The following TNRC6B variants were observed in gnomAD, a reference collection of about 807,000 sequenced individuals.
TNRC6B encodes trinucleotide repeat-containing gene 6B protein.
A neutral mutation model predicts 203.6 loss-of-function variants in TNRC6B; 52 were observed. That is an observed-to-expected ratio of 0.26 (90% CI 0.20 to 0.32). The LOEUF is 0.32. Ranked by LOEUF, TNRC6B falls within the 10% of genes least tolerant of loss-of-function variation. TNRC6B has a pLI of 1.00. For synonymous variants in TNRC6B, 838 were observed against 845.7 expected (o/e 0.99, Z 0.16); for missense variants, 1,923 against 2,286.2 (o/e 0.84, Z 3.24).
In TNRC6B at chr22:40,322,847, C is replaced by T. The variant is rs1447680003; in HGVS notation, c.5115-7C>T. On this transcript the variant is annotated splice_region_variant and splice_polypyrimidine_tract_variant and intron_variant, in intron 22 of 22. Transcript: ENST00000454349. ...ATCCATAGCTCTCTTTCCCTCCCTT[C>T]TTCCAGGTGTGTGTTGGGAAACACT... is the stretch of plus-strand genomic sequence containing the variant. The T allele has an allele frequency of 1.9e-6, 3 of 1,613,602 alleles. No homozygotes were observed. Among genetic ancestry groups the T allele is most frequent in the African/African-American group, 1.3e-5 (1 of 74,940 alleles).
chr22:40,077,151 C>G (rs1335776480), intron 1 of TNRC6B, among the ~76,000 whole-genome samples: 1 of 151,912 alleles, frequency 6.6e-6, no homozygotes, highest in Non-Finnish European at 1.5e-5. Flanking sequence ...TATACAGTAT[C>G]GTGCCTTGGA....
chr22:40,138,804 ACT>A (rs2146336207), intron 3 of TNRC6B, among the ~76,000 whole-genome samples: 1 of 152,150 alleles, frequency 6.6e-6, no homozygotes, highest in Non-Finnish European at 1.5e-5. Context: ...ATAAGAATTC[ACT>A]CTCTCAAAGT....
chr22:40,105,320 A>T (rs1354197445), intron 1 of TNRC6B, among the ~76,000 whole-genome samples: 11 of 152,236 alleles, frequency 7.2e-5, no homozygotes, highest in Admixed American at 5.9e-4. Context: ...AGAAAAGTGC[A>T]TAAAGTACAA....
chr22:40,089,737 C>T (rs1417088635), intron 1 of TNRC6B, among the ~76,000 whole-genome samples: 1 of 152,186 alleles, frequency 6.6e-6, no homozygotes, highest in Non-Finnish European at 1.5e-5. Context: ...AGGGTCCGCT[C>T]TTGGTGTTGC....
At chr22:40,173,474 CAG>C (rs1207374641), upstream of TNRC6B, among the ~76,000 whole-genome samples, 2 of 145,540 alleles carry the variant, frequency 1.4e-5, no homozygotes, top group African/African-American at 5.1e-5. Context: ...AACAACAAAA[CAG>C]ATATATATAT....
intron 16 of TNRC6B, among the ~76,000 whole-genome samples, chr22:40,310,320 A>G (rs1192996593): frequency 3.3e-5 from 5 of 152,206 alleles, no homozygotes; most frequent in Admixed American, 2.0e-4. Context: ...TTTCCCTCCA[A>G]TGGACTCTCT....
At chr22:40,259,983 T>G (rs1418947849) in intron 3 of TNRC6B, among the ~76,000 whole-genome samples, 1 of 152,142 alleles carries the variant, frequency 6.6e-6, no homozygotes. Flanking sequence ...TCTGGCAGCA[T>G]GCAGCGAGGG....
intron 1 of TNRC6B, among the ~76,000 whole-genome samples, chr22:40,211,240 C>T (rs1257217218): frequency 6.6e-6 from 1 of 152,058 alleles, no homozygotes; most frequent in Non-Finnish European, 1.5e-5. Context: ...GCCGCCACGC[C>T]AGCTAATTTT....
intron 4 of TNRC6B, among the ~76,000 whole-genome samples, chr22:40,170,793 GTATATATACATATATGTACATATA>G (rs1569006428): frequency 1.7e-4 from 10 of 58,642 alleles, no homozygotes; most frequent in African/African-American, 1.0e-3. Flanking sequence ...ATATATGTGT[GTATATATACATATATGTACATATA>G]TGTGTGTGTA....
Position 40,262,193 on chromosome 22 carries a change from G to A in TNRC6B, c.457+20G>A, listed in dbSNP as rs766233347. The A allele has an allele frequency of 2.0e-5, 27 of 1,363,704 alleles. No individual in the cohort carries two copies. Among genetic ancestry groups the A allele is most frequent in the Middle Eastern group, 2.0e-4 (1 of 5,034 alleles). The allele number at this position is 1,363,704 out of a possible 1,614,324, so 84.5% of individuals were successfully genotyped here. A position where few individuals can be genotyped will look rare whatever the true frequency, so the allele number is the denominator to read the frequency against. ...CGCCAGGTAAGGCACCCTGTGAATC[G>A]AATGCATGGCAGCTTGACAGAGAGA... On this transcript the variant is annotated intron_variant, in intron 4 of 22. Transcript: ENST00000454349.
At position 40,264,687 on chromosome 22, in the gene TNRC6B, G is replaced by T; in HGVS notation, c.458-1G>T. 6.3e-7 allele frequency: 1 copy of T among 1,579,004 alleles called. No homozygotes were observed. The highest frequency in any genetic ancestry group is 1.2e-5 in the South Asian group (1 of 85,194). ...GATTAATAAGATGATCTGTTCCCCA[G>T]ACTCAACCCTTGGAGGTGCTGCTGC... On this transcript the variant is annotated splice_acceptor_variant, in intron 4 of 22. Transcript: ENST00000454349. LOFTEE classifies it high-confidence loss of function.
At chr22:40,090,397 CA>C (rs1569256824) in intron 1 of TNRC6B, among the ~76,000 whole-genome samples, 1 of 142,266 alleles carries the variant, frequency 7.0e-6, no homozygotes, top group Admixed American at 6.8e-5. Flanking sequence ...AGTGGCATCT[CA>C]TTGTTTTTTT....
At chr22:40,052,758 T>C (rs897353045) in intron 1 of TNRC6B, among the ~76,000 whole-genome samples, 1 of 152,204 alleles carries the variant, frequency 6.6e-6, no homozygotes. Context: ...CTGTGTATTG[T>C]TGACTTCCCC....
intron 2 of TNRC6B, among the ~76,000 whole-genome samples, chr22:40,120,605 A>G (rs1022948565): frequency 2.0e-5 from 3 of 152,194 alleles, no homozygotes; most frequent in African/African-American, 7.2e-5. Flanking sequence ...CAAGGCTGAT[A>G]TGGAAAACTG....
At chr22:40,232,521 G>C (rs947924941) in intron 1 of TNRC6B, among the ~76,000 whole-genome samples, 1 of 152,162 alleles carries the variant, frequency 6.6e-6, no homozygotes, top group African/African-American at 2.4e-5. Context: ...TTCCTTCCCA[G>C]CTGCACTAAG....
chr22:40,151,399 A>T (rs764084114), intron 3 of TNRC6B, among the ~76,000 whole-genome samples: 12 of 150,184 alleles, frequency 8.0e-5, no homozygotes, highest in Non-Finnish European at 1.6e-4. Context: ...CCCCATCTCT[A>T]CTAAAAATGC....
intron 3 of TNRC6B, among the ~76,000 whole-genome samples, chr22:40,135,526 G>T (rs1269515240): frequency 6.6e-6 from 1 of 152,092 alleles, no homozygotes; most frequent in Non-Finnish European, 1.5e-5. Flanking sequence ...ATAGAAACAT[G>T]TTCTTGCTCT....
At chr22:40,177,070 A>G (rs957991432), upstream of TNRC6B, among the ~76,000 whole-genome samples, 1 of 152,164 alleles carries the variant, frequency 6.6e-6, no homozygotes, top group African/African-American at 2.4e-5. Context: ...GGAGATGCAA[A>G]CCGAGCTTGG....
chr22:40,253,878 T>C (rs1382507818), intron 3 of TNRC6B, among the ~76,000 whole-genome samples: 2 of 152,204 alleles, frequency 1.3e-5, no homozygotes, highest in Non-Finnish European at 2.9e-5. Flanking sequence ...TCCCCAAAGA[T>C]GGTGTCTTCC....
Sources: allele counts gnomAD v4.1 joint callset (sites outside exome capture counted in the v4.1 genomes callset), GRCh38; gene constraint gnomAD v4.1.1; transcripts MANE v1.5; gene names NCBI Gene and HGNC (gene_info 2026-07-23, HGNC 2026-07-21).